The following SORCS1 variants were observed in gnomAD, a reference collection of about 807,000 sequenced individuals.
SORCS1 encodes sortilin related VPS10 domain containing receptor 1.
In SORCS1, 60 loss-of-function variants were observed where a neutral mutation model predicts 146.1. The ratio of observed to expected loss-of-function variants is 0.41; its 90% CI spans 0.33 to 0.51. The LOEUF is 0.51. Ranked by LOEUF, SORCS1 falls within the 20% of genes least tolerant of loss-of-function variation. The probability of loss-of-function intolerance (pLI) is 0.21; values close to 1 mark genes in which losing one functional copy is unlikely to be tolerated. For synonymous variants in SORCS1, 637 were observed against 584.0 expected (o/e 1.09, Z -1.31); for missense variants, 1,352 against 1,487.6 (o/e 0.91, Z 1.50).
Position 107,164,285 on chromosome 10 carries a change from G to T in SORCS1, c.242C>A (p.Ala81Asp), listed in dbSNP as rs1217102585. 2.5e-6 allele frequency: 4 copies of T among 1,595,696 alleles called. No individual in the cohort carries two copies. The South Asian group carries it at 4.5e-5, about 18-fold the overall frequency. Residue 81 changes from alanine (A) to aspartate (D), a missense_variant, in exon 1 of 26, where the codon GCC becomes GAC. Physicochemically the swap from Ala to Asp is moderately radical, Grantham distance 126 (BLOSUM62 -2). This residue lies in a region of SORCS1 where 490 missense variants were observed against 489.1 expected (regional missense o/e 1.00). Coordinates refer to ENST00000263054, the MANE Select transcript of SORCS1 (RefSeq NM_052918.5). The surrounding 1 kb of genome is among the most constrained non-coding windows in gnomAD (Gnocchi z 6.8). ...PLVVRPLFSV[A>D]PGDRALSLER... Reference sequence around the variant, plus strand: ...CAGGGATAGCGCTCGGTCCCCGGGGGCCACTGAGAACAGGGGACGCACTAC... The same window carrying T: ...CAGGGATAGCGCTCGGTCCCCGGGGTCCACTGAGAACAGGGGACGCACTAC...
At chr10:107,000,939 G>A (rs956754382) in intron 1 of SORCS1, among the ~76,000 whole-genome samples, 3 of 152,060 alleles carry the variant, frequency 2.0e-5, no homozygotes, top group African/African-American at 4.8e-5. Context: ...AGCAAAAATA[G>A]TGGGAGATTT....
At chr10:106,793,728 C>A (rs1297710731) in intron 3 of SORCS1, among the ~76,000 whole-genome samples, 1 of 152,164 alleles carries the variant, frequency 6.6e-6, no homozygotes, top group African/African-American at 2.4e-5. Context: ...ACCAGGATTC[C>A]AAGCATACTT....
chr10:106,761,740 G>GTAA, intron 4 of SORCS1, 79 bp from the exon 5 acceptor site: 2 of 1,183,552 alleles, frequency 1.7e-6, no homozygotes, highest in Admixed American at 1.7e-5. Flanking sequence ...TGGATCAATA[G>GTAA]TAATAATAAT....
rs1384211326 is a variant in SORCS1 at position 106,620,470 on chromosome 10, C to T, written c.2754G>A (p.Val918=). 3 of 1,613,966 alleles carry T rather than the reference C, an allele frequency of 1.9e-6. No homozygotes were observed. The highest frequency in any genetic ancestry group is 2.2e-5 in the South Asian group (2 of 91,052). The change falls in exon 20 of 26, where the codon GTG becomes GTA. Residue 918 remains valine, a synonymous_variant. Coordinates refer to ENST00000263054, the MANE Select transcript of SORCS1 (RefSeq NM_052918.5). ...ACCACCACACGTAAGTGAGGGTGCC[C>T]ACTTGGCTGGGCCACAGCACTGCCG... The part of the protein sequence containing the change: ...NATAVLWPSQ[V]GTLTYVWWYG...
intron 1 of SORCS1, among the ~76,000 whole-genome samples, chr10:106,986,428 T>C (rs1956473728): frequency 6.6e-6 from 1 of 152,088 alleles, no homozygotes; most frequent in Non-Finnish European, 1.5e-5. Context: ...GTCAAACTGC[T>C]AAAATATTCA....
At chr10:106,607,441 GTA>G in intron 22 of SORCS1, 144 bp from the exon 23 acceptor site, 1 of 1,106,810 alleles carries the variant, frequency 9.0e-7, no homozygotes, top group Non-Finnish European at 1.3e-6. Flanking sequence ...CAGGCAGGGA[GTA>G]TGTGAGAGAC....
chr10:107,110,996 CAT>C (rs1468321472), intron 1 of SORCS1, among the ~76,000 whole-genome samples: 3 of 152,278 alleles, frequency 2.0e-5, no homozygotes, highest in Non-Finnish European at 2.9e-5. Flanking sequence ...CTCGTGGACT[CAT>C]GTGATCCAGC....
At chr10:106,597,900 T>C (rs1845999652) in intron 23 of SORCS1, among the ~76,000 whole-genome samples, 1 of 152,206 alleles carries the variant, frequency 6.6e-6, no homozygotes, top group Non-Finnish European at 1.5e-5. Flanking sequence ...GTATGGTAAA[T>C]ATAGTTCTGC....
intron 1 of SORCS1, among the ~76,000 whole-genome samples, chr10:107,123,005 C>T (rs1193045579): frequency 6.6e-6 from 1 of 151,188 alleles, no homozygotes; most frequent in African/African-American, 2.4e-5. Context: ...TATTCCTCTC[C>T]ACCCACAATT....
At chr10:106,925,236 A>G (rs1440496476) in intron 2 of SORCS1, among the ~76,000 whole-genome samples, 1 of 151,122 alleles carries the variant, frequency 6.6e-6, no homozygotes, top group Non-Finnish European at 1.5e-5. Flanking sequence ...TCCCTATCCT[A>G]TCTGCCTCTG....
At chr10:106,705,815 G>A (rs989527586) in intron 8 of SORCS1, among the ~76,000 whole-genome samples, 2 of 152,138 alleles carry the variant, frequency 1.3e-5, no homozygotes, top group Admixed American at 6.5e-5. Flanking sequence ...AAGACAGCCT[G>A]GGGATGTCAA....
intron 6 of SORCS1, among the ~76,000 whole-genome samples, chr10:106,726,449 G>A (rs1019600972): frequency 2.0e-5 from 3 of 147,364 alleles, no homozygotes; most frequent in Non-Finnish European, 3.0e-5. Flanking sequence ...AGCCTGAGAT[G>A]ACAGTTTGGC....
At chr10:106,794,779 A>G (rs1286860519) in intron 3 of SORCS1, among the ~76,000 whole-genome samples, 1 of 152,082 alleles carries the variant, frequency 6.6e-6, no homozygotes. Context: ...CTGGGATTAC[A>G]GGCGTGAGCC....
intron 1 of SORCS1, among the ~76,000 whole-genome samples, chr10:106,976,333 G>GTTTTGTTT (rs1554901323): frequency 8.8e-6 from 1 of 113,814 alleles, no homozygotes; most frequent in African/African-American, 3.9e-5. Flanking sequence ...AGGTTTTTTT[G>GTTTTGTTT]TTTTTTTTTT....
chr10:106,615,495 A>T (rs1847298019), intron 21 of SORCS1, among the ~76,000 whole-genome samples: 1 of 152,124 alleles, frequency 6.6e-6, no homozygotes, highest in Non-Finnish European at 1.5e-5. Flanking sequence ...CTTTTGTTTA[A>T]GGAGTCACAC....
At chr10:107,048,773 A>ACTGT (rs1959782529) in intron 1 of SORCS1, among the ~76,000 whole-genome samples, 1 of 152,100 alleles carries the variant, frequency 6.6e-6, no homozygotes, top group Admixed American at 6.5e-5. Flanking sequence ...CAAAGGAAAA[A>ACTGT]CCATAGAAGG....
intron 2 of SORCS1, among the ~76,000 whole-genome samples, chr10:106,933,521 A>G (rs1953527773): frequency 6.6e-6 from 1 of 152,222 alleles, no homozygotes; most frequent in Non-Finnish European, 1.5e-5. Context: ...GTTAATGAGT[A>G]CCACTATGTG....
chr10:107,094,716 T>TA (rs1421809720), intron 1 of SORCS1, among the ~76,000 whole-genome samples: 2 of 152,192 alleles, frequency 1.3e-5, no homozygotes, highest in African/African-American at 4.8e-5. Context: ...GAGAGGACAC[T>TA]ATGCATTGAG....
intron 24 of SORCS1, 50 bp from the exon 25 acceptor site, chr10:106,579,524 G>A: frequency 5.1e-6 from 8 of 1,568,480 alleles, no homozygotes; most frequent in Non-Finnish European, 7.0e-6. Context: ...CTGGGCAGGT[G>A]AGACTCTATG....
Sources: allele counts gnomAD v4.1 joint callset (sites outside exome capture counted in the v4.1 genomes callset), GRCh38; gene constraint gnomAD v4.1.1; regional missense constraint gnomAD v4.1.1; non-coding constraint Gnocchi (gnomAD v3.1); transcripts MANE v1.5; gene names NCBI Gene and HGNC (gene_info 2026-07-23, HGNC 2026-07-21).